Variants in OIT3 observed in about 807,000 individuals in gnomAD.
The protein encoded by OIT3 is oncoprotein induced transcript 3, also known as oncoprotein-induced transcript 3 protein.
A neutral mutation model predicts 52.2 loss-of-function variants in OIT3; 41 were observed. The ratio of observed to expected loss-of-function variants is 0.79; its 90% CI spans 0.61 to 1.02. The LOEUF (loss-of-function observed/expected upper bound fraction) is 1.02, where lower values mean the gene tolerates loss of function less well. Among genes scored for constraint, OIT3 ranks in the 50% least tolerant of loss-of-function variants. The pLI is 0.00. For missense variants in OIT3, 634 were observed against 715.5 expected (o/e 0.89, Z 1.30); for synonymous variants, 244 against 276.9 (o/e 0.88, Z 1.18).
intron 7 of OIT3, among the ~76,000 whole-genome samples, chr10:72,925,092 C>T (rs1190286803): frequency 2.3e-5 from 2 of 87,100 alleles, no homozygotes; most frequent in East Asian, 7.1e-4. Context: ...GCCTGGGTGA[C>T]AAGAATGAAA....
chr10:72,923,776 A>G (rs1250994784), intron 6 of OIT3, among the ~76,000 whole-genome samples: 1 of 152,202 alleles, frequency 6.6e-6, no homozygotes, highest in Admixed American at 6.5e-5. Context: ...TAGGTATGCC[A>G]TGCTGGGGTA....
At chr10:72,914,091 G>A (rs759021254) in intron 6 of OIT3, among the ~76,000 whole-genome samples, 15 of 152,170 alleles carry the variant, frequency 9.9e-5, no homozygotes, top group Non-Finnish European at 1.5e-5. Flanking sequence ...AGGTGGAAGT[G>A]TGTGTGTGGT....
chr10:72,903,961 GAAGT>G (rs992394285), intron 3 of OIT3, among the ~76,000 whole-genome samples: 19 of 152,214 alleles, frequency 1.2e-4, no homozygotes, highest in African/African-American at 4.3e-4. Flanking sequence ...AAAAAAAGAA[GAAGT>G]AAGAACTAAA....
chr10:72,924,702 C>A, intron 7 of OIT3, 58 bp downstream of exon 7: 1 of 1,333,406 alleles, frequency 7.5e-7, no homozygotes, highest in Non-Finnish European at 1.0e-6. Flanking sequence ...CCTCTAAGTT[C>A]ACAGCACACC....
intron 6 of OIT3, among the ~76,000 whole-genome samples, chr10:72,916,392 T>C (rs1846073132): frequency 6.6e-6 from 1 of 152,204 alleles, no homozygotes; most frequent in African/African-American, 2.4e-5. Flanking sequence ...GTTCTCATCA[T>C]TTAGCTCCCA....
In OIT3 at chr10:72,917,652, C is replaced by T. The variant is rs1009102510; in HGVS notation, c.951+4184C>T. The T allele has an allele frequency of 3.7e-4, 322 of 874,270 alleles. 2 individuals are homozygous for T. Among genetic ancestry groups the T allele is most frequent in the Admixed American group, 6.1e-4 (36 of 58,848 alleles). The allele number at this position is 874,270 out of a possible 1,614,324, so 54.2% of individuals were successfully genotyped here. On this transcript the variant is annotated intron_variant, in intron 6 of 8. Transcript: ENST00000334011. ...ACTATTTTCTTAAAGAGACTTCCTC[C>T]ACTGCCAGAGATCTTGAATAGCCTC...
intron 4 of OIT3, among the ~76,000 whole-genome samples, chr10:72,907,104 A>G (rs549425705): frequency 2.6e-5 from 4 of 152,194 alleles, no homozygotes; most frequent in African/African-American, 7.2e-5. Context: ...CTACCTCTAC[A>G]GAAAATTAAA....
At chr10:72,904,807 C>G (rs1047973796) in intron 3 of OIT3, among the ~76,000 whole-genome samples, 6 of 152,102 alleles carry the variant, frequency 3.9e-5, no homozygotes, top group Admixed American at 3.9e-4. Flanking sequence ...GGACACCACT[C>G]GTGTCATCTG....
Position 72,898,858 on chromosome 10 carries a change from G to A in OIT3, c.256G>A (p.Val86Ile). 6.2e-7 allele frequency: 1 copy of A among 1,614,190 alleles called. No individual in the cohort carries two copies. Among genetic ancestry groups the A allele is most frequent in the Non-Finnish European group, 8.5e-7 (1 of 1,180,022 alleles). ...AAACCACTGTGGAACCCACGCACCT[G>A]TCTGGCTCAATGGCAGCCACCCCCT... ...PENHCGTHAPVWLNGSHPLEG... is the reference protein window; with the variant it reads ...PENHCGTHAPIWLNGSHPLEG... The change falls in exon 2 of 9, where the codon GTC becomes ATC. Residue 86 changes from valine to isoleucine, a missense_variant. Transcript: ENST00000334011.
At chr10:72,903,742 C>A (rs755549062) in intron 3 of OIT3, among the ~76,000 whole-genome samples, 3 of 152,066 alleles carry the variant, frequency 2.0e-5, no homozygotes, top group African/African-American at 4.8e-5. Flanking sequence ...AAAAATGATA[C>A]CTTACCCAAT....
chr10:72,898,605 C>CT (rs1845897567), intron 1 of OIT3, 59 bp from the exon 2 acceptor site: 1 of 1,487,126 alleles, frequency 6.7e-7, no homozygotes, highest in African/African-American at 1.4e-5. Flanking sequence ...TGGACTTGGG[C>CT]TGTTGGTGGT....
Position 72,932,843 on chromosome 10 carries a change from A to C in OIT3, c.*319A>C. The C allele has an allele frequency of 8.3e-6, 2 of 241,856 alleles. No individual in the cohort carries two copies. Among genetic ancestry groups the C allele is most frequent in the East Asian group, 1.6e-4 (2 of 12,242 alleles). 15.0% of individuals were successfully genotyped at this position (241,856 alleles called of 1,614,324 possible). On this transcript the variant is annotated 3_prime_UTR_variant, in exon 9 of 9. Coordinates refer to ENST00000334011, the MANE Select transcript of OIT3 (RefSeq NM_152635.3). ...GTGTATGGTGCAATCAGACCACAAA[A>C]TCAGAAGCTGGGTATAATATTTCAA...
At chr10:72,911,932 T>C in intron 5 of OIT3, 93 bp downstream of exon 5, 1 of 1,169,666 alleles carries the variant, frequency 8.5e-7, no homozygotes, top group East Asian at 2.6e-5. Context: ...TGTGTCAGGG[T>C]TCTCATCTTT....
In OIT3 at chr10:72,893,820, A is replaced by C. The variant is rs1260046283; in HGVS notation, c.22A>C (p.Thr8Pro). 1 of 1,610,264 alleles carries C rather than the reference A, an allele frequency of 6.2e-7. No homozygotes were observed. Among genetic ancestry groups the C allele is most frequent in the Non-Finnish European group, 8.5e-7 (1 of 1,178,378 alleles). Residue 8 changes from threonine to proline, a missense_variant, in exon 1 of 9, where the codon ACC becomes CCC. By Grantham distance (38) the Thr-to-Pro change is conservative. Transcript: ENST00000334011. ...AAGGATGCCTCCATTCCTGCTTCTC[A>C]CCTGCCTCTTCATCACAGGCACCTC... Reference protein sequence around the residue: MPPFLLLTCLFITGTSVS... With the variant: MPPFLLLPCLFITGTSVS...
At position 72,898,793 on chromosome 10, in the gene OIT3, G is replaced by A. The variant is rs745534747; in HGVS notation, c.191G>A (p.Gly64Asp). The stretch of plus-strand genomic sequence containing the variant: ...AATGGGGAGTGGTACCACTTCACGG[G>A]CATGGCGGGAGATGCCATGCCTACC... ...HVNGEWYHFT[G>D]MAGDAMPTFC... The change falls in exon 2 of 9, where the codon GGC becomes GAC. Residue 64 changes from glycine (G) to aspartate (D), a missense_variant. Gly to Asp is a moderately conservative substitution (Grantham distance 94). Coordinates refer to ENST00000334011, the MANE Select transcript of OIT3 (RefSeq NM_152635.3). 6 of 1,614,120 alleles carry A rather than the reference G, an allele frequency of 3.7e-6. No individual in the cohort carries two copies. In the African/African-American group the frequency reaches 4.0e-5, roughly 11 times the overall value.
chr10:72,913,523 G>A, intron 6 of OIT3, 55 bp downstream of exon 6: 3 of 1,416,590 alleles, frequency 2.1e-6, no homozygotes, highest in East Asian at 2.3e-5. Context: ...TTATTTGGGA[G>A]GCAGTGGACA....
chr10:72,930,913 T>C (rs530527768), intron 8 of OIT3, among the ~76,000 whole-genome samples: 7 of 152,228 alleles, frequency 4.6e-5, no homozygotes, highest in Non-Finnish European at 5.9e-5. Flanking sequence ...TAATTTAAAA[T>C]CTTTGTGGGC....
rs1216144546 is a variant in OIT3 at position 72,932,111 on chromosome 10, T to TAATC, written c.1468-241_1468-238dup. On this transcript the variant is annotated intron_variant, in intron 8 of 8. Coordinates refer to ENST00000334011, the MANE Select transcript of OIT3 (RefSeq NM_152635.3). ...CAGGAGTTATGAATGTGGGTTTTTT[T>TAATC]AATCACTCATGTGACTTAAATGCAA... Among the ~76,000 whole-genome samples, 6 of 152,234 alleles carry TAATC rather than the reference T, an allele frequency of 3.9e-5. No homozygotes were observed. The East Asian group carries it at 7.7e-4, about 20-fold the overall frequency.
intron 4 of OIT3, among the ~76,000 whole-genome samples, 175 bp from the exon 5 acceptor site, chr10:72,911,542 T>C (rs1225854721): frequency 6.6e-6 from 1 of 152,186 alleles, no homozygotes; most frequent in Non-Finnish European, 1.5e-5. Flanking sequence ...AAGATTGCTC[T>C]TTGTAGCTAT....
Sources: gnomAD v4.1 joint callset for allele counts (sites outside exome capture counted in the v4.1 genomes callset) on GRCh38, gnomAD v4.1.1 for gene constraint, MANE v1.5 for transcripts, NCBI Gene and HGNC (gene_info 2026-07-23, HGNC 2026-07-21) for gene names.